The following EXT2 variants were observed in gnomAD, a reference collection of about 807,000 sequenced individuals.
EXT2 encodes the protein exostosin-2.
In EXT2, 53 loss-of-function variants were observed where a neutral mutation model predicts 81.6. The observed-to-expected ratio is 0.65, with a 90% CI of 0.52 to 0.82. The LOEUF (loss-of-function observed/expected upper bound fraction) is 0.82, where lower values mean the gene tolerates loss of function less well. EXT2 is among the 40% of genes least tolerant of loss of function. The pLI, the probability that EXT2 is intolerant of heterozygous loss-of-function variation, is 0.00. For synonymous variants in EXT2, 320 were observed against 340.0 expected, an observed-to-expected ratio of 0.94 and a Z score of 0.65; for missense variants, 774 against 910.2, an observed-to-expected ratio of 0.85 and a Z score of 1.93.
At chr11:44,147,790 T>TTTTTG (rs5791608) in intron 7 of EXT2, among the ~76,000 whole-genome samples, 2 of 150,910 alleles carry the variant, frequency 1.3e-5, no homozygotes, top group African/African-American at 2.4e-5. Context: ...TTTTTTTTTT[T>TTTTTG]GTAGCAAATT....
chr11:44,155,900 A>G (rs1954849964), intron 7 of EXT2, among the ~76,000 whole-genome samples: 1 of 152,092 alleles, frequency 6.6e-6, no homozygotes, highest in African/African-American at 2.4e-5. Context: ...ATAACTCTTT[A>G]GTATTTCTTA....
At chr11:44,144,176 C>A (rs1954683883) in intron 7 of EXT2, 2 of 1,362,826 alleles carry the variant, frequency 1.5e-6, no homozygotes, top group Non-Finnish European at 1.0e-6. Context: ...AGCTAGTTGA[C>A]CCAAGTTGTG....
intron 13 of EXT2, 60 bp from the exon 14 acceptor site, chr11:44,244,089 C>T (rs894673443): frequency 6.9e-7 from 1 of 1,457,176 alleles, no homozygotes; most frequent in Admixed American, 1.7e-5. Context: ...TTTCTCCCTG[C>T]CCCCATCCTT....
At chr11:44,174,561 AT>A (rs1279509263) in intron 8 of EXT2, among the ~76,000 whole-genome samples, 1 of 152,046 alleles carries the variant, frequency 6.6e-6, no homozygotes, top group East Asian at 1.9e-4. Context: ...GTACAGACAC[AT>A]TTTGACTTTT....
intron 1 of EXT2, among the ~76,000 whole-genome samples, chr11:44,102,534 CT>C (rs59752163): frequency 0.15 from 15,408 of 106,166 alleles, 784 homozygotes; most frequent in African/African-American, 0.24. Flanking sequence ...CTGTCTCTCT[CT>C]TTTTTTTTTT....
intron 8 of EXT2, among the ~76,000 whole-genome samples, chr11:44,184,296 G>T (rs142197776): frequency 6.6e-6 from 1 of 152,120 alleles, no homozygotes; most frequent in South Asian, 2.1e-4. Context: ...TGATATTTAC[G>T]CTGGGAAGCC....
At chr11:44,204,917 A>G (rs1955564865) in intron 9 of EXT2, among the ~76,000 whole-genome samples, 3 of 152,204 alleles carry the variant, frequency 2.0e-5, no homozygotes, top group Admixed American at 6.5e-5. Flanking sequence ...GATGTATGAC[A>G]GGGATTTTAT....
intron 7 of EXT2, among the ~76,000 whole-genome samples, chr11:44,153,896 AT>A: frequency 1.3e-5 from 2 of 151,720 alleles, no homozygotes; most frequent in Non-Finnish European, 2.9e-5. Flanking sequence ...TTTTTACACA[AT>A]GTTGGATTTG....
intron 10 of EXT2, among the ~76,000 whole-genome samples, chr11:44,212,063 A>G (rs1182859511): frequency 6.6e-6 from 1 of 152,056 alleles, no homozygotes; most frequent in Non-Finnish European, 1.5e-5. Context: ...AGTCAAGCGG[A>G]TCACGAGGTC....
In EXT2 at chr11:44,251,184, AT is replaced by A. The variant is rs889228045; in HGVS notation, c.*6907del. Among the ~76,000 whole-genome samples, 48 of 38,134 alleles carry A rather than the reference AT, an allele frequency of 1.3e-3. No homozygotes were observed. In the South Asian group the frequency reaches 0.017, roughly 14 times the overall value. The allele number at this position is 38,134 out of a possible 152,430, so 25.0% of individuals were successfully genotyped here. ...TGTCTAATGCATGGAGAATTCAAGG[AT>A]TTTTTTTTTCTCTTTTCATAGCACC... On this transcript the variant is annotated 3_prime_UTR_variant, in exon 14 of 14. Transcript: ENST00000533608.
chr11:44,109,828 A>T (rs1954117569), intron 3 of EXT2, among the ~76,000 whole-genome samples: 1 of 152,056 alleles, frequency 6.6e-6, no homozygotes, highest in Admixed American at 6.6e-5. Context: ...AAATAGGCAG[A>T]TGTGGTATGG....
At chr11:44,108,566 C>T (rs1469067231) in intron 2 of EXT2, among the ~76,000 whole-genome samples, 2 of 152,152 alleles carry the variant, frequency 1.3e-5, no homozygotes, top group Non-Finnish European at 2.9e-5. Context: ...ACCACCTCCT[C>T]GTAGCACTTA....
chr11:44,144,898 C>T (rs1954695957), intron 7 of EXT2, among the ~76,000 whole-genome samples: 1 of 152,064 alleles, frequency 6.6e-6, no homozygotes. Context: ...CAAAAGCATG[C>T]AAATCACAAG....
chr11:44,187,485 T>C (rs1955332593), intron 8 of EXT2, among the ~76,000 whole-genome samples: 1 of 152,308 alleles, frequency 6.6e-6, no homozygotes, highest in Non-Finnish European at 1.5e-5. Flanking sequence ...TCATTATTCT[T>C]ATCTGTAAAA....
In EXT2 at chr11:44,109,194, G is replaced by A. The variant is rs766384158; in HGVS notation, c.537G>A (p.Arg179=). The change falls in exon 3 of 14, where the codon AGG becomes AGA. Residue 179 remains arginine (R), a splice_region_variant and synonymous_variant. Coordinates refer to ENST00000533608, the MANE Select transcript of EXT2 (RefSeq NM_207122.2). Reference sequence around the variant, plus strand: ...TCCTACATTTTAAATTTCTTGACAGGTGGGATCGAGGTACGAATCACCTGT... The same window carrying A: ...TCCTACATTTTAAATTTCTTGACAGATGGGATCGAGGTACGAATCACCTGT... The part of the protein sequence containing the change: ...ETAQAMAQLS[R]WDRGTNHLLF... The A allele has an allele frequency of 1.3e-5, 21 of 1,613,832 alleles. No homozygotes were observed. The highest frequency in any genetic ancestry group is 1.7e-5 in the Non-Finnish European group (20 of 1,179,956).
intron 11 of EXT2, 21 bp from the exon 12 acceptor site, chr11:44,234,094 T>C: frequency 6.2e-7 from 1 of 1,614,030 alleles, no homozygotes; most frequent in Non-Finnish European, 8.5e-7. Context: ...GAATATTTCT[T>C]CTTTCTGTCT....
In EXT2 at chr11:44,130,149, AAGTCT is replaced by A; in HGVS notation, c.1173+12_1173+16del. The stretch of plus-strand genomic sequence containing the variant: ...GAAATGCAGAGACAGGTAAGAGGCC[AAGTCT>A]TGGGGAGGTGACATGGGTGGTACCG... On this transcript the variant is annotated intron_variant, in intron 7 of 13. Coordinates refer to ENST00000533608, the MANE Select transcript of EXT2 (RefSeq NM_207122.2). 1 of 1,610,896 alleles carries A rather than the reference AAGTCT, an allele frequency of 6.2e-7. No individual in the cohort carries two copies. Among genetic ancestry groups the A allele is most frequent in the African/African-American group, 1.3e-5 (1 of 74,968 alleles).
chr11:44,127,745 T>C (rs917357482), intron 6 of EXT2, among the ~76,000 whole-genome samples: 2 of 152,160 alleles, frequency 1.3e-5, no homozygotes, highest in Non-Finnish European at 2.9e-5. Flanking sequence ...ATTCTGAATG[T>C]TAAAGCTCCC....
At chr11:44,140,116 C>T (rs1013680863) in intron 7 of EXT2, among the ~76,000 whole-genome samples, 2 of 152,162 alleles carry the variant, frequency 1.3e-5, no homozygotes, top group African/African-American at 4.8e-5. Context: ...AATGCCATTC[C>T]ACTGGCAGTT....
Sources: allele counts gnomAD v4.1 joint callset (sites outside exome capture counted in the v4.1 genomes callset), GRCh38; gene constraint gnomAD v4.1.1; transcripts MANE v1.5; gene names NCBI Gene and HGNC (gene_info 2026-07-23, HGNC 2026-07-21).